Variants in TBL1Y observed in about 807,000 individuals in gnomAD.
The protein encoded by TBL1Y is F-box-like/WD repeat-containing protein TBL1Y.
Under a neutral mutation model 12.0 loss-of-function variants are expected in TBL1Y, and 15 were observed. The observed-to-expected ratio is 1.25, with a 90% confidence interval of 0.83 to 1.92. The LOEUF is 1.92. Among genes scored for constraint, TBL1Y ranks in the 40% most tolerant of loss-of-function variants. The probability of loss-of-function intolerance (pLI) is 0.00; values close to 1 mark genes in which losing one functional copy is unlikely to be tolerated. For synonymous variants in TBL1Y, 53 were observed against 42.6 expected (o/e 1.24, Z -0.95); for missense variants, 148 against 116.7 (o/e 1.27, Z -1.24).
chrY:7,005,742 A>G (rs2012482807), intron 4 of TBL1Y, among the ~76,000 whole-genome samples: 3 of 33,643 alleles, frequency 8.9e-5, no homozygotes, highest in Non-Finnish European at 2.2e-4. Flanking sequence ...TCTGTATAAT[A>G]GAAGAACCAA....
intron 6 of TBL1Y, among the ~76,000 whole-genome samples, chrY:7,029,045 A>G (rs2012640525): frequency 9.1e-5 from 3 of 32,862 alleles, no homozygotes; most frequent in African/African-American, 2.4e-4. Context: ...TGTAAACATA[A>G]TAAGTATTTC....
chrY:7,034,964 A>T (rs781200018), intron 6 of TBL1Y, among the ~76,000 whole-genome samples: 3 of 33,674 alleles, frequency 8.9e-5, no homozygotes, highest in Non-Finnish European at 2.2e-4. Flanking sequence ...AGATAGACAA[A>T]TAGGATCTAA....
At chrY:6,959,025 C>T in intron 2 of TBL1Y, among the ~76,000 whole-genome samples, 1 of 33,683 alleles carries the variant, frequency 3.0e-5, no homozygotes. Flanking sequence ...TCCCATGAGG[C>T]CATATTTCAG....
At chrY:7,062,492 A>G in intron 7 of TBL1Y, among the ~76,000 whole-genome samples, 1 of 33,184 alleles carries the variant, frequency 3.0e-5, no homozygotes, top group Non-Finnish European at 7.4e-5. Context: ...TTATCCTTCC[A>G]GTGTTTTAGC....
At chrY:6,945,007 C>T (rs2124106159) in intron 2 of TBL1Y, among the ~76,000 whole-genome samples, 1 of 30,099 alleles carries the variant, frequency 3.3e-5, no homozygotes, top group African/African-American at 1.3e-4. Context: ...CCTTTTTACC[C>T]TTTTCTTTCT....
chrY:6,932,420 A>C, intron 2 of TBL1Y, among the ~76,000 whole-genome samples: 2 of 34,233 alleles, frequency 5.8e-5, no homozygotes, highest in African/African-American at 2.3e-4. Flanking sequence ...AATGAGTTTT[A>C]GTAAATTTAC....
At chrY:6,951,315 C>CT (rs2012022810) in intron 2 of TBL1Y, among the ~76,000 whole-genome samples, 1 of 33,061 alleles carries the variant, frequency 3.0e-5, no homozygotes, top group Non-Finnish European at 7.4e-5. Context: ...TGCTCCTGGA[C>CT]TTTTTTTGGT....
At chrY:7,026,237 G>A in intron 6 of TBL1Y, among the ~76,000 whole-genome samples, 1 of 33,934 alleles carries the variant, frequency 2.9e-5, no homozygotes, top group Admixed American at 2.7e-4. Context: ...AAGTGCATGC[G>A]CTTTCTGCAT....
intron 2 of TBL1Y, among the ~76,000 whole-genome samples, chrY:6,975,708 T>A (rs970846775): frequency 1.5e-4 from 5 of 33,377 alleles, no homozygotes; most frequent in African/African-American, 5.9e-4. Flanking sequence ...CAGCCGAATT[T>A]AACATTCAGA....
intron 3 of TBL1Y, among the ~76,000 whole-genome samples, chrY:6,991,023 T>C (rs772429790): frequency 2.3e-3 from 76 of 33,347 alleles, no homozygotes; most frequent in Non-Finnish European, 3.2e-3. Flanking sequence ...GTGGCATTAA[T>C]TGGGAATGGC....
rs72617688 is a variant in TBL1Y, at chrY:6,911,568, C to G, written c.-350-520C>G. Among the ~76,000 whole-genome samples, 172 of 34,663 alleles carry G rather than the reference C, an allele frequency of 5.0e-3. No homozygotes were observed. The East Asian group carries it at 0.12, about 25-fold the overall frequency. 93.0% of individuals were successfully genotyped at this position (34,663 alleles called of 37,273 possible). A position where few individuals can be genotyped will look rare whatever the true frequency, so the allele number is the denominator to read the frequency against. ...AAGGAATTCGGAAGCTCCCCTCCCC[C>G]GCCCATCTCTCTGGCCCCAGCGCGC... On this transcript the variant is annotated intron_variant, in intron 1 of 18. Coordinates refer to ENST00000383032, the MANE Select transcript of TBL1Y (RefSeq NM_033284.2).
intron 2 of TBL1Y, chrY:6,918,691 T>G: frequency 3.1e-5 from 1 of 32,611 alleles, no homozygotes; most frequent in African/African-American, 1.2e-4. Flanking sequence ...AGTGCTAAGA[T>G]TACAGTTGTG....
At chrY:7,063,181 C>G in intron 7 of TBL1Y, among the ~76,000 whole-genome samples, 1 of 32,909 alleles carries the variant, frequency 3.0e-5, no homozygotes. Flanking sequence ...GGACGAGCCC[C>G]GAAATTGTTA....
chrY:6,963,348 A>G, intron 2 of TBL1Y, among the ~76,000 whole-genome samples: 1 of 33,240 alleles, frequency 3.0e-5, no homozygotes, highest in East Asian at 8.0e-4. Context: ...ACACAGGTCT[A>G]TTCTCTGAGA....
intron 2 of TBL1Y, among the ~76,000 whole-genome samples, chrY:6,913,011 T>C (rs2011709173): frequency 3.1e-5 from 1 of 32,275 alleles, no homozygotes; most frequent in Non-Finnish European, 7.5e-5. Context: ...GATCTACTGC[T>C]AGGTGCCAGG....
intron 2 of TBL1Y, among the ~76,000 whole-genome samples, chrY:6,959,020 T>C (rs750273499): frequency 5.8e-4 from 19 of 32,657 alleles, no homozygotes; most frequent in East Asian, 4.0e-3. Context: ...TCTCATCCCA[T>C]GAGGCCATAT....
At chrY:7,074,956 A>G in intron 13 of TBL1Y, among the ~76,000 whole-genome samples, 1 of 33,088 alleles carries the variant, frequency 3.0e-5, no homozygotes, top group Admixed American at 2.7e-4. Context: ...GGTAGGTGAC[A>G]CTTCCATTAA....
chrY:6,988,608 C>T, intron 3 of TBL1Y, among the ~76,000 whole-genome samples: 3 of 30,563 alleles, frequency 9.8e-5, no homozygotes, highest in African/African-American at 3.9e-4. Context: ...TTCAGTGAGT[C>T]GTGATTGCAC....
At chrY:7,042,844 G>A in intron 6 of TBL1Y, 136 bp from the exon 7 acceptor site, 1 of 371,676 alleles carries the variant, frequency 2.7e-6, no homozygotes, top group Non-Finnish European at 3.7e-6. Context: ...AAGGGCCCCT[G>A]GGCATCCTAC....
Sources: gnomAD v4.1 joint callset for allele counts (sites outside exome capture counted in the v4.1 genomes callset) on GRCh38, gnomAD v4.1.1 for gene constraint, MANE v1.5 for transcripts, NCBI Gene and HGNC (gene_info 2026-07-23, HGNC 2026-07-21) for gene names.